Variants in DYM observed in about 807,000 individuals in gnomAD.
DYM encodes the protein dyggve-Melchior-Clausen syndrome protein.
Under a neutral mutation model 93.1 loss-of-function variants are expected in DYM, and 78 were observed. The ratio of observed to expected loss-of-function variants is 0.84; its 90% confidence interval spans 0.70 to 1.01. The LOEUF (loss-of-function observed/expected upper bound fraction) is 1.01, where lower values mean the gene tolerates loss of function less well. DYM is among the 50% of genes least tolerant of loss of function. The pLI is 0.00. For missense variants in DYM, 789 were observed against 845.0 expected (o/e 0.93, Z 0.82); for synonymous variants, 321 against 319.7 (o/e 1.00, Z -0.04).
Position 49,282,151 on chromosome 18 carries a change from A to G in DYM, c.971T>C (p.Ile324Thr). 6.2e-7 allele frequency: 1 copy of G among 1,614,008 alleles called. No homozygotes were observed. Among genetic ancestry groups the G allele is most frequent in the South Asian group, 1.1e-5 (1 of 91,084 alleles). The change falls in exon 10 of 18, where the codon ATT becomes ACT. Residue 324 changes from isoleucine to threonine, a missense_variant. By Grantham distance (89) the Ile-to-Thr change is moderately conservative (BLOSUM62 -1). This residue lies in a region of DYM where 450 missense variants were observed against 436.2 expected (regional missense o/e 1.03). Transcript: ENST00000675505. ...TQDSSPFPSS[I>T]PHAFQINFNS... ...AAAGTTGATCTGGAAGGCATGTGGA[A>G]TTGATGAGGGGAAAGGACTGCTATC... is the stretch of plus-strand genomic sequence containing the variant.
At chr18:49,428,453 G>C (rs892473596) in intron 2 of DYM, among the ~76,000 whole-genome samples, 1 of 152,192 alleles carries the variant, frequency 6.6e-6, no homozygotes, top group Non-Finnish European at 1.5e-5. Flanking sequence ...GGGAGGCTGA[G>C]GAAGGTGAAT....
intron 8 of DYM, among the ~76,000 whole-genome samples, chr18:49,313,999 C>G (rs940518929): frequency 6.6e-6 from 1 of 152,144 alleles, no homozygotes. Context: ...GGCTCACACC[C>G]GTAATCCCAG....
chr18:49,427,563 T>G (rs929169629), intron 2 of DYM, among the ~76,000 whole-genome samples: 1 of 151,874 alleles, frequency 6.6e-6, no homozygotes, highest in East Asian at 1.9e-4. Flanking sequence ...TTTTGTGAGG[T>G]GTGATAATGG....
rs144759652 is a variant in DYM, at chr18:49,358,312, C to T, written c.494+4849G>A. Among the ~76,000 whole-genome samples the T allele has an allele frequency of 2.4e-3, 372 of 152,132 alleles. 2 individuals are homozygous for T. Among genetic ancestry groups the T allele is most frequent in the African/African-American group, 7.8e-3 (322 of 41,500 alleles). ...GATGAAAGCTTGAAGGTGGTCAGAACGTGAGCCATGCAAATATCTAAAGGA... is the reference window on the plus strand; with the variant it reads ...GATGAAAGCTTGAAGGTGGTCAGAATGTGAGCCATGCAAATATCTAAAGGA... On this transcript the variant is annotated intron_variant, in intron 6 of 17. Coordinates refer to ENST00000675505, the MANE Select transcript of DYM (RefSeq NM_001353214.3).
At chr18:49,333,691 A>G (rs369431853) in intron 7 of DYM, 37 bp downstream of exon 7, 2 of 1,602,642 alleles carry the variant, frequency 1.2e-6, no homozygotes, top group African/African-American at 1.3e-5. Flanking sequence ...AGATTTATAC[A>G]ATGAAAAAAC....
chr18:49,223,404 A>C (rs1008910240), intron 13 of DYM, among the ~76,000 whole-genome samples: 8 of 152,126 alleles, frequency 5.3e-5, no homozygotes, highest in African/African-American at 1.9e-4. Context: ...GTGTTCTAAC[A>C]AAACTTCATT....
intron 14 of DYM, among the ~76,000 whole-genome samples, chr18:49,190,787 C>T (rs2090892636): frequency 6.6e-6 from 1 of 152,308 alleles, no homozygotes; most frequent in Admixed American, 6.5e-5. Context: ...CCTCCCCCTA[C>T]TCGTCCTCCC....
chr18:49,302,525 T>C (rs2060999781), intron 8 of DYM, among the ~76,000 whole-genome samples: 2 of 152,168 alleles, frequency 1.3e-5, no homozygotes, highest in African/African-American at 4.8e-5. Context: ...AAATCAGGGG[T>C]GCTGCTTTAA....
chr18:49,230,356 T>C (rs2093658383), intron 13 of DYM, among the ~76,000 whole-genome samples: 1 of 152,168 alleles, frequency 6.6e-6, no homozygotes, highest in Non-Finnish European at 1.5e-5. Flanking sequence ...AGACCATTTG[T>C]CTTTAAAAAC....
At chr18:49,226,110 A>G (rs2144247955) in intron 13 of DYM, among the ~76,000 whole-genome samples, 1 of 152,244 alleles carries the variant, frequency 6.6e-6, no homozygotes, top group South Asian at 2.1e-4. Flanking sequence ...CCACCAAAGC[A>G]AAGGGGACAA....
At chr18:49,080,955 G>T (rs542652823) in intron 17 of DYM, among the ~76,000 whole-genome samples, 65 of 151,676 alleles carry the variant, frequency 4.3e-4, no homozygotes, top group African/African-American at 1.5e-3. Flanking sequence ...TGGCTGCGGG[G>T]AAGAGGTGCT....
intron 10 of DYM, among the ~76,000 whole-genome samples, chr18:49,275,035 T>C (rs1006674480): frequency 6.6e-6 from 1 of 152,186 alleles, no homozygotes; most frequent in Admixed American, 6.5e-5. Context: ...TGTTGTTATA[T>C]CTAACAGTCA....
intron 16 of DYM, among the ~76,000 whole-genome samples, chr18:49,112,215 C>T (rs944213360): frequency 2.8e-5 from 4 of 142,314 alleles, no homozygotes; most frequent in East Asian, 2.2e-4. Context: ...AATGATGCTA[C>T]GCATTTTTCT....
chr18:49,300,439 A>C (rs999739717), intron 8 of DYM, among the ~76,000 whole-genome samples: 1 of 151,910 alleles, frequency 6.6e-6, no homozygotes, highest in African/African-American at 2.4e-5. Context: ...ATCTCTACTA[A>C]AACACTAAAA....
chr18:49,293,703 AT>A (rs895822895), intron 8 of DYM, among the ~76,000 whole-genome samples: 2 of 152,058 alleles, frequency 1.3e-5, no homozygotes. Context: ...GTTCTTGTAG[AT>A]TCTGGATATT....
Position 49,286,610 on chromosome 18 carries a change from A to G in DYM, c.770T>C (p.Leu257Pro). 1.9e-6 allele frequency: 3 copies of G among 1,613,856 alleles called. No individual in the cohort carries two copies. The highest frequency in any genetic ancestry group is 2.5e-6 in the Non-Finnish European group (3 of 1,179,932). ...ACCACCTAGTGTGAAGACAGTCCAG[A>G]GTCCTGCTGGGGAGGAAAACACCCT... ...YGLASGVATG[L>P]WTVFTLGGVG... Residue 257 changes from leucine to proline, a missense_variant, in exon 9 of 18, where the codon CTC becomes CCC. Transcript: ENST00000675505.
intron 14 of DYM, among the ~76,000 whole-genome samples, chr18:49,201,252 A>G (rs4939849): frequency 0.59 from 89,366 of 152,016 alleles, 28,762 homozygotes; most frequent in Non-Finnish European, 0.74. Context: ...CACAGTTCCT[A>G]CTAATATTTC....
At chr18:49,199,187 T>G (rs1401668625) in intron 14 of DYM, among the ~76,000 whole-genome samples, 1 of 151,850 alleles carries the variant, frequency 6.6e-6, no homozygotes, top group South Asian at 2.1e-4. Flanking sequence ...ATGAGAACAC[T>G]TGGACACAGG....
chr18:49,121,395 AG>A (rs1158006470), intron 15 of DYM, among the ~76,000 whole-genome samples: 1 of 152,190 alleles, frequency 6.6e-6, no homozygotes, highest in African/African-American at 2.4e-5. Context: ...GAATCCAACA[AG>A]GGCTGTAAAA....
Sources: allele counts gnomAD v4.1 joint callset (sites outside exome capture counted in the v4.1 genomes callset), GRCh38; gene constraint gnomAD v4.1.1; regional missense constraint gnomAD v4.1.1; transcripts MANE v1.5; gene names NCBI Gene and HGNC (gene_info 2026-07-23, HGNC 2026-07-21).